The following CADM2 variants were observed in gnomAD, a reference collection of about 807,000 sequenced individuals.
The protein encoded by CADM2 is cell adhesion molecule 2.
Under a neutral mutation model 49.8 loss-of-function variants are expected in CADM2, and 12 were observed. The observed-to-expected ratio is 0.24, with a 90% CI of 0.15 to 0.39. The LOEUF is 0.39. CADM2 is among the 10% of genes least tolerant of loss of function. The probability of loss-of-function intolerance (pLI) is 1.00; values close to 1 mark genes in which losing one functional copy is unlikely to be tolerated. For missense variants in CADM2, 378 were observed against 492.3 expected (o/e 0.77, Z 2.20); for synonymous variants, 214 against 175.4 (o/e 1.22, Z -1.74).
At chr3:85,365,190 T>A (rs1371025704) in intron 1 of CADM2, among the ~76,000 whole-genome samples, 1 of 92,048 alleles carries the variant, frequency 1.1e-5, no homozygotes, top group Non-Finnish European at 2.6e-5. Context: ...GGGTTTTTTT[T>A]TTTTTTTACT....
intron 1 of CADM2, among the ~76,000 whole-genome samples, chr3:85,716,276 A>T (rs2067290385): frequency 6.6e-6 from 1 of 151,996 alleles, no homozygotes; most frequent in Non-Finnish European, 1.5e-5. Flanking sequence ...GCTTTTCTTC[A>T]TGTTTGTTGG....
At chr3:85,770,601 A>C (rs1487721739) in intron 2 of CADM2, among the ~76,000 whole-genome samples, 1 of 152,130 alleles carries the variant, frequency 6.6e-6, no homozygotes, top group Non-Finnish European at 1.5e-5. Context: ...ATCCAAATGC[A>C]ATGATGTTAT....
chr3:85,160,800 A>C (rs2107666987), intron 1 of CADM2, among the ~76,000 whole-genome samples: 1 of 152,282 alleles, frequency 6.6e-6, no homozygotes, highest in East Asian at 1.9e-4. Context: ...ATAACCAACA[A>C]AGGAATTTAA....
chr3:85,738,019 C>A (rs577163288), intron 2 of CADM2, among the ~76,000 whole-genome samples: 1 of 152,238 alleles, frequency 6.6e-6, no homozygotes, highest in Non-Finnish European at 1.5e-5. Context: ...TGTCTAGAGA[C>A]AAGGCAGGAA....
chr3:85,951,795 T>C (rs757371684), intron 7 of CADM2, among the ~76,000 whole-genome samples: 9 of 151,072 alleles, frequency 6.0e-5, no homozygotes, highest in African/African-American at 9.7e-5. Context: ...TTCTCCTTTT[T>C]CTTTAGCTTG....
chr3:85,783,627 T>G (rs1301146027), intron 2 of CADM2, among the ~76,000 whole-genome samples: 1 of 152,178 alleles, frequency 6.6e-6, no homozygotes. Flanking sequence ...AAGAAGTGCA[T>G]TACATGCCAA....
At chr3:85,620,829 T>C (rs1456410891) in intron 1 of CADM2, among the ~76,000 whole-genome samples, 1 of 152,140 alleles carries the variant, frequency 6.6e-6, no homozygotes, top group Non-Finnish European at 1.5e-5. Flanking sequence ...TGTTTTTCTG[T>C]GACAGCACTG....
intron 1 of CADM2, among the ~76,000 whole-genome samples, chr3:85,048,438 TAGG>T (rs756380783): frequency 3.3e-5 from 5 of 152,208 alleles, no homozygotes; most frequent in Non-Finnish European, 4.4e-5. Context: ...GTTTGGATGC[TAGG>T]AGAAGAGATA....
intron 1 of CADM2, among the ~76,000 whole-genome samples, chr3:84,965,025 A>AT (rs974590522): frequency 2.0e-5 from 3 of 151,984 alleles, no homozygotes; most frequent in South Asian, 2.1e-4. Flanking sequence ...TTTTCCTACC[A>AT]TTTTTTTCTT....
At chr3:86,037,385 G>C in intron 8 of CADM2, among the ~76,000 whole-genome samples, 1 of 152,146 alleles carries the variant, frequency 6.6e-6, no homozygotes, top group Admixed American at 6.6e-5. Context: ...AATAATAACA[G>C]TTTATCCACA....
At chr3:85,170,208 G>T (rs1424661166) in intron 1 of CADM2, among the ~76,000 whole-genome samples, 1 of 152,150 alleles carries the variant, frequency 6.6e-6, no homozygotes, top group Admixed American at 6.5e-5. Flanking sequence ...TATTTACCTA[G>T]AAATACATTG....
At chr3:85,910,875 A>G (rs1717492730) in intron 5 of CADM2, among the ~76,000 whole-genome samples, 1 of 152,054 alleles carries the variant, frequency 6.6e-6, no homozygotes, top group Non-Finnish European at 1.5e-5. Flanking sequence ...AATCAATATG[A>G]TAAAGTCATA....
chr3:85,384,922 A>G (rs1343297063), intron 1 of CADM2, among the ~76,000 whole-genome samples: 2 of 151,996 alleles, frequency 1.3e-5, no homozygotes, highest in African/African-American at 4.8e-5. Flanking sequence ...AGCTTTGTTT[A>G]CTTTATTATT....
chr3:86,071,659 A>G lies in CADM2; in HGVS notation c.*4876A>G, dbSNP rs558148630. The G allele has an allele frequency of 6.6e-6, 1 of 152,072 alleles. No homozygotes were observed. The highest frequency in any genetic ancestry group is 1.9e-4 in the East Asian group (1 of 5,182). 9.4% of individuals were successfully genotyped at this position (152,072 alleles called of 1,614,324 possible). A position where few individuals can be genotyped will look rare whatever the true frequency, so the allele number is the denominator to read the frequency against. ...AGCATTCTTATGGAACTATTATAAC[A>G]GTGCACTCCCCACCCCCTGGGAAAT... is the stretch of plus-strand genomic sequence containing the variant. On this transcript the variant is annotated 3_prime_UTR_variant, in exon 10 of 10. Coordinates refer to ENST00000383699, the MANE Select transcript of CADM2 (RefSeq NM_001167675.2).
At chr3:85,699,836 T>G (rs935846450) in intron 1 of CADM2, among the ~76,000 whole-genome samples, 1 of 152,270 alleles carries the variant, frequency 6.6e-6, no homozygotes, top group African/African-American at 2.4e-5. Flanking sequence ...TTATGTAGCC[T>G]GCTTGAATTC....
At chr3:85,610,574 C>T (rs2063656783) in intron 1 of CADM2, among the ~76,000 whole-genome samples, 1 of 151,830 alleles carries the variant, frequency 6.6e-6, no homozygotes, top group Non-Finnish European at 1.5e-5. Flanking sequence ...ATTTGAATTG[C>T]ATGGAAACTA....
intron 3 of CADM2, among the ~76,000 whole-genome samples, chr3:85,844,411 A>G (rs2074785748): frequency 1.3e-5 from 2 of 152,148 alleles, no homozygotes; most frequent in Non-Finnish European, 2.9e-5. Flanking sequence ...TTCCGTAGGA[A>G]ATATATAAGG....
At chr3:85,209,209 A>G (rs891426046) in intron 1 of CADM2, among the ~76,000 whole-genome samples, 4 of 152,160 alleles carry the variant, frequency 2.6e-5, no homozygotes, top group Non-Finnish European at 5.9e-5. Context: ...TTTAAGATCT[A>G]CAATTTTAGG....
chr3:85,106,584 G>T (rs952279253), intron 1 of CADM2, among the ~76,000 whole-genome samples: 4 of 152,068 alleles, frequency 2.6e-5, no homozygotes, highest in Non-Finnish European at 4.4e-5. Context: ...GATTAATAAG[G>T]CACAAGCTCC....
Sources: gnomAD v4.1 joint callset for allele counts (sites outside exome capture counted in the v4.1 genomes callset) on GRCh38, gnomAD v4.1.1 for gene constraint, MANE v1.5 for transcripts, NCBI Gene and HGNC (gene_info 2026-07-23, HGNC 2026-07-21) for gene names.